Variants in PCDHGA8 observed in about 807,000 individuals in gnomAD.
The protein encoded by PCDHGA8 is protocadherin gamma-A8.
PCDHGA8 carries 45 observed loss-of-function variants against 59.2 expected under a neutral mutation model. The ratio of observed to expected loss-of-function variants is 0.76; its 90% CI spans 0.60 to 0.98. PCDHGA8 has a LOEUF of 0.98. Among genes scored for constraint, PCDHGA8 ranks in the 50% least tolerant of loss-of-function variants. The pLI is 0.00. For synonymous variants in PCDHGA8, 531 were observed against 519.0 expected (o/e 1.02, Z -0.32); for missense variants, 1,257 against 1,196.2 (o/e 1.05, Z -0.75).
rs1236813956 is a variant in PCDHGA8, at chr5:141,480,634, TTTCAAAC to T, written c.2425-14170_2425-14164del. On this transcript the variant is annotated intron_variant, in intron 1 of 3. Transcript: ENST00000398604. The stretch of plus-strand genomic sequence containing the variant: ...ACTGGCATTTTCCCTAGAACAATGT[TTTCAAAC>T]TTGGTTGCACATTAAAATCACCTAG... Among the ~76,000 whole-genome samples the T allele has an allele frequency of 3.9e-5, 6 of 152,332 alleles. No individual in the cohort carries two copies. In the East Asian group the frequency reaches 1.2e-3, roughly 29 times the overall value.
intron 1 of PCDHGA8, chr5:141,417,710 T>C: frequency 8.0e-7 from 1 of 1,249,348 alleles, no homozygotes; most frequent in Non-Finnish European, 1.1e-6. Context: ...ACACAGAGGC[T>C]CCCGGCTGCG....
chr5:141,422,833 C>T, intron 1 of PCDHGA8: 2 of 1,614,224 alleles, frequency 1.2e-6, no homozygotes, highest in East Asian at 2.2e-5. Context: ...AGTGATAGCA[C>T]GTGACAGCGG....
At chr5:141,400,376 T>A in intron 1 of PCDHGA8, 1 of 1,614,070 alleles carries the variant, frequency 6.2e-7, no homozygotes, top group East Asian at 2.2e-5. Context: ...TCCTACAACC[T>A]ATGTGTTGCA....
At chr5:141,416,362 G>A (rs562901653) in intron 1 of PCDHGA8, 4 of 152,306 alleles carry the variant, frequency 2.6e-5, no homozygotes, top group African/African-American at 7.2e-5. Flanking sequence ...GGAGGCTATA[G>A]AGGGTGAAAT....
At chr5:141,422,758 A>C (rs1237677806) in intron 1 of PCDHGA8, 3 of 1,613,032 alleles carry the variant, frequency 1.9e-6, no homozygotes, top group Non-Finnish European at 2.5e-6. Flanking sequence ...TATTAACTCC[A>C]ACACTGGTGT....
rs2094486958 is a variant in PCDHGA8, at chr5:141,404,117, A to C, written c.2424+8880A>C. 3 of 1,613,468 alleles carry C rather than the reference A, an allele frequency of 1.9e-6. No homozygotes were observed. Among genetic ancestry groups the C allele is most frequent in the Non-Finnish European group, 1.7e-6 (2 of 1,179,548 alleles). On this transcript the variant is annotated intron_variant, in intron 1 of 3. Coordinates refer to ENST00000398604, the MANE Select transcript of PCDHGA8 (RefSeq NM_032088.2). ...TCAAGTTGTCTGTTCTATCCAGGAG[A>C]ATCTATCTTTTACATTAGAAAATTC...
At chr5:141,414,300 G>T in intron 1 of PCDHGA8, 7 of 1,613,560 alleles carry the variant, frequency 4.3e-6, no homozygotes, top group Non-Finnish European at 5.9e-6. Context: ...TTTTAAATGT[G>T]CATGATTTAG....
rs11953770 is a variant in PCDHGA8 at position 141,510,741 on chromosome 5, C to T, written c.2573-206C>T. On this transcript the variant is annotated intron_variant, in intron 3 of 3. Coordinates refer to ENST00000398604, the MANE Select transcript of PCDHGA8 (RefSeq NM_032088.2). ...TAAGGAAAGGAGCTAGGAATCAAACCTAGACTTTCTCACTCCAGAGCCTCT... is the reference window on the plus strand; with the variant it reads ...TAAGGAAAGGAGCTAGGAATCAAACTTAGACTTTCTCACTCCAGAGCCTCT... Among the ~76,000 whole-genome samples the T allele has an allele frequency of 2.6e-5, 4 of 152,138 alleles. No homozygotes were observed. In the South Asian group the frequency reaches 8.3e-4, roughly 32 times the overall value.
chr5:141,438,638 A>G (rs1192725978), intron 1 of PCDHGA8, among the ~76,000 whole-genome samples: 1 of 22,806 alleles, frequency 4.4e-5, no homozygotes, highest in East Asian at 1.6e-3. Flanking sequence ...ATATATATAC[A>G]CACACACACA....
intron 1 of PCDHGA8, among the ~76,000 whole-genome samples, chr5:141,482,875 C>T (rs2099573976): frequency 6.6e-6 from 1 of 151,958 alleles, no homozygotes; most frequent in African/African-American, 2.4e-5. Context: ...AGTTTGAAAC[C>T]AGCCTGGCCA....
chr5:141,415,409 TG>T (rs763291157), intron 1 of PCDHGA8: 1 of 1,614,208 alleles, frequency 6.2e-7, no homozygotes, highest in Non-Finnish European at 8.5e-7. Context: ...TCGCACTTTG[TG>T]GGCGTGGACG....
chr5:141,470,872 T>G, intron 1 of PCDHGA8, among the ~76,000 whole-genome samples: 1 of 151,814 alleles, frequency 6.6e-6, no homozygotes, highest in East Asian at 1.9e-4. Context: ...GTTTGTTTGT[T>G]TTTTTGTTTT....
At chr5:141,479,242 A>G (rs2099491093) in intron 1 of PCDHGA8, 1 of 152,320 alleles carries the variant, frequency 6.6e-6, no homozygotes, top group African/African-American at 2.4e-5. Context: ...AAACCCAAAG[A>G]TAACCATTTT....
At chr5:141,433,212 T>C (rs747556366) in intron 1 of PCDHGA8, 75 of 1,570,956 alleles carry the variant, frequency 4.8e-5, no homozygotes, top group Non-Finnish European at 6.2e-5. Flanking sequence ...TTCTTTCTTT[T>C]TTTTTTTTAA....
chr5:141,439,310 A>G lies in PCDHGA8; in HGVS notation c.2424+44073A>G, dbSNP rs775009481. ...TCCATGGAAAAAGTAAAGCCCAGGCATGGAAGTGGGAATGGAAAGAAAGAT... is the reference window on the plus strand; with the variant it reads ...TCCATGGAAAAAGTAAAGCCCAGGCGTGGAAGTGGGAATGGAAAGAAAGAT... On this transcript the variant is annotated intron_variant, in intron 1 of 3. Transcript: ENST00000398604. 1.6e-4 allele frequency among the ~76,000 whole-genome samples: 24 copies of G among 152,320 alleles called. No homozygotes were observed. In the South Asian group the frequency reaches 4.1e-3, roughly 26 times the overall value.
chr5:141,438,615 TATATATATATATATATATATAC>T (rs1275224820), intron 1 of PCDHGA8, among the ~76,000 whole-genome samples: 95 of 35,914 alleles, frequency 2.6e-3, no homozygotes, highest in East Asian at 8.4e-3. Flanking sequence ...TATATATATA[TATATATATATATATATATATAC>T]ACACACACAC....
At position 141,413,764 on chromosome 5, in the gene PCDHGA8, G is replaced by A. The variant is rs749419039; in HGVS notation, c.2424+18527G>A. 28 of 1,612,716 alleles carry A rather than the reference G, an allele frequency of 1.7e-5. No individual in the cohort carries two copies. Among genetic ancestry groups the A allele is most frequent in the Non-Finnish European group, 2.2e-5 (26 of 1,179,878 alleles). On this transcript the variant is annotated intron_variant, in intron 1 of 3. Coordinates refer to ENST00000398604, the MANE Select transcript of PCDHGA8 (RefSeq NM_032088.2). ...CCGTGCCAATGGCGTCAAGTACCCG[G>A]AGCTGGTACTGGAGCACTCCCTAGA... is the stretch of plus-strand genomic sequence containing the variant.
At position 141,485,343 on chromosome 5, in the gene PCDHGA8, A is replaced by G; in HGVS notation, c.2425-9464A>G. ...GCTCAAGATTTCCTGCTGGATACGG[A>G]CAGTCTGTCAGCTCGCAGGCTGCAG... On this transcript the variant is annotated intron_variant, in intron 1 of 3. Transcript: ENST00000398604. This position sits in a 1 kb window ranked among gnomAD's most constrained non-coding sequence, Gnocchi z 5.7. 1 of 1,614,062 alleles carries G rather than the reference A, an allele frequency of 6.2e-7. No homozygotes were observed. Among genetic ancestry groups the G allele is most frequent in the Non-Finnish European group, 8.5e-7 (1 of 1,179,984 alleles).
At chr5:141,409,883 C>G (rs530193346) in intron 1 of PCDHGA8, 2 of 1,612,988 alleles carry the variant, frequency 1.2e-6, no homozygotes, top group South Asian at 2.2e-5. Context: ...CAACGCACCG[C>G]GGGTGCTGTA....
Sources: gnomAD v4.1 joint callset for allele counts (sites outside exome capture counted in the v4.1 genomes callset) on GRCh38, gnomAD v4.1.1 for gene constraint, Gnocchi (gnomAD v3.1) non-coding constraint, MANE v1.5 for transcripts, NCBI Gene and HGNC (gene_info 2026-07-23, HGNC 2026-07-21) for gene names.